Variants in VPS13A observed in about 807,000 individuals in gnomAD.
The protein encoded by VPS13A is intermembrane lipid transfer protein VPS13A.
VPS13A carries 264 observed loss-of-function variants against 390.9 expected under a neutral mutation model. That is an observed-to-expected ratio of 0.68 (90% CI 0.61 to 0.75). The LOEUF (loss-of-function observed/expected upper bound fraction) is 0.75. Among genes scored for constraint, VPS13A ranks in the 30% least tolerant of loss-of-function variants. The pLI, the probability that VPS13A is intolerant of heterozygous loss-of-function variation, is 0.00. For synonymous variants in VPS13A, 1,231 were observed against 1,227.1 expected (o/e 1.00, Z -0.07); for missense variants, 3,409 against 3,733.9 (o/e 0.91, Z 2.27).
intron 68 of VPS13A, among the ~76,000 whole-genome samples, chr9:77,387,131 TAAAAGC>T (rs1265372590): frequency 7.3e-5 from 9 of 124,102 alleles, no homozygotes; most frequent in African/African-American, 2.6e-4. Context: ...TTTTCTCTAG[TAAAAGC>T]AAAAAAAAAA....
intron 45 of VPS13A, among the ~76,000 whole-genome samples, chr9:77,325,509 C>G (rs113430948): frequency 2.7e-4 from 40 of 149,100 alleles, no homozygotes; most frequent in African/African-American, 7.9e-4. Flanking sequence ...CTTAAACTTG[C>G]TATTTTTTTT....
intron 68 of VPS13A, among the ~76,000 whole-genome samples, chr9:77,386,497 G>A (rs1187500646): frequency 2.0e-5 from 3 of 148,728 alleles, no homozygotes; most frequent in Non-Finnish European, 1.5e-5. Flanking sequence ...GAATTTATCG[G>A]AAAAAAAAAA....
rs561408069 is a variant in VPS13A, at chr9:77,317,796, C to G, written c.4956+98C>G. The G allele has an allele frequency of 3.3e-5, 27 of 821,492 alleles. No individual in the cohort carries two copies. In the South Asian group the frequency reaches 4.3e-4, roughly 13 times the overall value. The allele number at this position is 821,492 out of a possible 1,614,324, so 50.9% of individuals were successfully genotyped here. A position where few individuals can be genotyped will look rare whatever the true frequency, so the allele number is the denominator to read the frequency against. On this transcript the variant is annotated intron_variant, in intron 40 of 71. Transcript: ENST00000360280. ...GCAAGTCTTTTAATTGTTATGCAAA[C>G]AAAATAGGTGTGTTTTTGAAAATAC...
intron 52 of VPS13A, among the ~76,000 whole-genome samples, chr9:77,350,175 A>G (rs1831377415): frequency 6.6e-6 from 1 of 152,202 alleles, no homozygotes; most frequent in Admixed American, 6.5e-5. Context: ...AAAAATTGTA[A>G]TGCTTTTTTA....
intron 52 of VPS13A, among the ~76,000 whole-genome samples, chr9:77,349,660 T>C (rs1225190860): frequency 6.6e-6 from 1 of 152,198 alleles, no homozygotes; most frequent in East Asian, 1.9e-4. Context: ...TATTTGTTTT[T>C]TGAGATGGAA....
At chr9:77,232,772 A>C (rs1303163136) in intron 17 of VPS13A, among the ~76,000 whole-genome samples, 2 of 152,146 alleles carry the variant, frequency 1.3e-5, no homozygotes, top group Non-Finnish European at 2.9e-5. Flanking sequence ...AGCACTGGAA[A>C]AACCTACCCT....
At chr9:77,300,783 G>C (rs1432120071) in intron 33 of VPS13A, among the ~76,000 whole-genome samples, 1 of 152,188 alleles carries the variant, frequency 6.6e-6, no homozygotes, top group African/African-American at 2.4e-5. Context: ...TTCTTAGAAA[G>C]TGCATAAAGA....
rs1050359486 is a variant in VPS13A at position 77,382,360 on chromosome 9, A to G, written c.9189+273A>G. ...AGTAGATTTTAGTCTTAAAATTTAC[A>G]AACTACGTACAGCTGTTTCAGTATT... is the stretch of plus-strand genomic sequence containing the variant. On this transcript the variant is annotated intron_variant, in intron 68 of 71. Transcript: ENST00000360280. 8 of 1,520,034 alleles carry G rather than the reference A, an allele frequency of 5.3e-6. No individual in the cohort carries two copies. In the African/African-American group the frequency reaches 1.1e-4, roughly 21 times the overall value. The allele number at this position is 1,520,034 out of a possible 1,614,324, so 94.2% of individuals were successfully genotyped here.
At chr9:77,326,016 T>C (rs1276902372) in intron 45 of VPS13A, among the ~76,000 whole-genome samples, 3 of 152,188 alleles carry the variant, frequency 2.0e-5, no homozygotes, top group Non-Finnish European at 4.4e-5. Flanking sequence ...TACAGATATT[T>C]TCACTGGGCA....
chr9:77,306,163 G>A (rs568704297), intron 34 of VPS13A, among the ~76,000 whole-genome samples: 4 of 152,146 alleles, frequency 2.6e-5, no homozygotes, highest in South Asian at 2.1e-4. Flanking sequence ...TATGTATAAG[G>A]TACACATGGA....
At chr9:77,252,375 G>A (rs1825193852) in intron 22 of VPS13A, 23 bp downstream of exon 22, 1 of 1,566,130 alleles carries the variant, frequency 6.4e-7, no homozygotes, top group Non-Finnish European at 8.8e-7. Flanking sequence ...TGTTTCATGT[G>A]AATATGGATT....
At chr9:77,356,644 T>C (rs1831796506) in intron 54 of VPS13A, 70 bp from the exon 55 acceptor site, 3 of 1,493,704 alleles carry the variant, frequency 2.0e-6, no homozygotes, top group Non-Finnish European at 2.7e-6. Context: ...GTAATTCATG[T>C]AATAAACCAG....
At chr9:77,331,678 T>G (rs1181503414) in intron 45 of VPS13A, among the ~76,000 whole-genome samples, 1 of 151,938 alleles carries the variant, frequency 6.6e-6, no homozygotes, top group Non-Finnish European at 1.5e-5. Flanking sequence ...AATTTTGATT[T>G]TTTTCTGTGA....
chr9:77,354,511 G>T (rs1242928221), intron 54 of VPS13A, among the ~76,000 whole-genome samples: 1 of 151,938 alleles, frequency 6.6e-6, no homozygotes, highest in Non-Finnish European at 1.5e-5. Flanking sequence ...ATAATACATG[G>T]TCTCTACCTT....
chr9:77,333,260 CT>C (rs1383233618), intron 46 of VPS13A, among the ~76,000 whole-genome samples: 2 of 151,904 alleles, frequency 1.3e-5, no homozygotes, highest in Non-Finnish European at 2.9e-5. Context: ...AAAACAGTAC[CT>C]TTATACTTTT....
chr9:77,411,741 A>G (rs951770245), intron 71 of VPS13A, among the ~76,000 whole-genome samples: 2 of 151,574 alleles, frequency 1.3e-5, no homozygotes, highest in African/African-American at 4.9e-5. Flanking sequence ...GCAAGAAATG[A>G]CTAAGATCAG....
At chr9:77,364,043 G>T (rs1054552854) in intron 59 of VPS13A, among the ~76,000 whole-genome samples, 12 of 152,050 alleles carry the variant, frequency 7.9e-5, no homozygotes, top group Non-Finnish European at 1.8e-4. Context: ...CACATTACAG[G>T]CCTGGGCAAG....
chr9:77,255,839 G>A (rs12344126), intron 22 of VPS13A, among the ~76,000 whole-genome samples: 15,511 of 151,944 alleles, frequency 0.1, 822 homozygotes, highest in Middle Eastern at 0.13. Context: ...TTTGTAAAAT[G>A]AGTAGTAATG....
At chr9:77,284,684 T>C (rs1827232585) in intron 31 of VPS13A, among the ~76,000 whole-genome samples, 1 of 152,084 alleles carries the variant, frequency 6.6e-6, no homozygotes, top group Non-Finnish European at 1.5e-5. Context: ...TTGATTTTTT[T>C]CTCTGTAATT....
Sources: gnomAD v4.1 joint callset for allele counts (sites outside exome capture counted in the v4.1 genomes callset) on GRCh38, gnomAD v4.1.1 for gene constraint, MANE v1.5 for transcripts, NCBI Gene and HGNC (gene_info 2026-07-23, HGNC 2026-07-21) for gene names.